MGA: variants seen among roughly 807,000 people sequenced by gnomAD.
MGA encodes MAX gene-associated protein.
Under a neutral mutation model 261.1 loss-of-function variants are expected in MGA, and 40 were observed. That is an observed-to-expected ratio of 0.15 (90% CI 0.12 to 0.20). The LOEUF (loss-of-function observed/expected upper bound fraction) is 0.20, where lower values mean the gene tolerates loss of function less well. MGA is among the 10% of genes least tolerant of loss of function. The pLI, the probability that MGA is intolerant of heterozygous loss-of-function variation, is 1.00. For missense variants in MGA, 3,397 were observed against 3,630.5 expected, an observed-to-expected ratio of 0.94 and a Z score of 1.65; for synonymous variants, 1,302 against 1,290.6, an observed-to-expected ratio of 1.01 and a Z score of -0.19.
chr15:41,669,863 G>T lies in MGA; in HGVS notation c.969G>T (p.Lys323Asn), dbSNP rs541879397. Residue 323 changes from lysine to asparagine, a missense_variant, in exon 2 of 24, where the codon AAG becomes AAT. Lys to Asn is a moderately conservative substitution (Grantham distance 94). This residue lies in a region of MGA where 563 missense variants were observed against 563.6 expected (regional missense o/e 1.00). Transcript: ENST00000219905. Reference sequence around the variant, plus strand: ...AAACATCAGGCAAGGGTTTGGAGAAGACTTCCCTTAATATAAAACGAGACT... The same window carrying T: ...AAACATCAGGCAAGGGTTTGGAGAATACTTCCCTTAATATAAAACGAGACT... 6.2e-7 allele frequency: 1 copy of T among 1,613,874 alleles called. No individual in the cohort carries two copies. The highest frequency in any genetic ancestry group is 8.5e-7 in the Non-Finnish European group (1 of 1,179,894).
At chr15:41,670,013 G>C (rs1256512738) in intron 2 of MGA, 55 bp downstream of exon 2, 1 of 1,410,974 alleles carries the variant, frequency 7.1e-7, no homozygotes, top group African/African-American at 1.4e-5. Flanking sequence ...GATGGGCCAG[G>C]TGTTGGATTT....
chr15:41,731,949 T>G (rs1446138593), intron 11 of MGA, among the ~76,000 whole-genome samples: 1 of 152,190 alleles, frequency 6.6e-6, no homozygotes, highest in African/African-American at 2.4e-5. Context: ...TGTGCCAGTG[T>G]GCTGTGCAAT....
At chr15:41,743,345 A>T (rs1009466104) in intron 15 of MGA, among the ~76,000 whole-genome samples, 173 bp downstream of exon 15, 1 of 152,270 alleles carries the variant, frequency 6.6e-6, no homozygotes, top group African/African-American at 2.4e-5. Context: ...CACTAAAATT[A>T]ATAGAGCTCA....
chr15:41,694,568 C>G (rs1331536564), intron 2 of MGA, among the ~76,000 whole-genome samples: 3 of 151,482 alleles, frequency 2.0e-5, no homozygotes, highest in African/African-American at 7.3e-5. Flanking sequence ...GCTCAGTTGC[C>G]CAGGCTGGAG....
intron 1 of MGA, among the ~76,000 whole-genome samples, chr15:41,622,309 C>T (rs538086907): frequency 2.6e-5 from 4 of 152,210 alleles, no homozygotes; most frequent in East Asian, 1.9e-4. Context: ...TAAGGTCCCT[C>T]ATACGGCCTC....
At chr15:41,679,302 T>G (rs2058546210) in intron 2 of MGA, among the ~76,000 whole-genome samples, 1 of 152,154 alleles carries the variant, frequency 6.6e-6, no homozygotes, top group South Asian at 2.1e-4. Flanking sequence ...CCCAAAGTGC[T>G]GGGATTACAG....
chr15:41,720,720 C>T lies in MGA; in HGVS notation c.3431-6460C>T, dbSNP rs754777282. Among the ~76,000 whole-genome samples the T allele has an allele frequency of 2.6e-4, 39 of 152,060 alleles. 1 individual carries two copies. The highest frequency in any genetic ancestry group is 1.2e-3 in the Admixed American group (19 of 15,264). On this transcript the variant is annotated intron_variant, in intron 9 of 23. Transcript: ENST00000219905. ...TGGTGGTGTGCGCCTGTAATCCCAG[C>T]TACTCTGGAGGCTGAGCCACGAGAA... is the stretch of plus-strand genomic sequence containing the variant.
chr15:41,688,328 C>G (rs925910904), intron 2 of MGA, among the ~76,000 whole-genome samples: 2 of 152,126 alleles, frequency 1.3e-5, no homozygotes, highest in South Asian at 2.1e-4. Flanking sequence ...CACCTGCCTA[C>G]CAGAGTGCTG....
intron 2 of MGA, among the ~76,000 whole-genome samples, chr15:41,679,732 GA>G (rs2058571519): frequency 6.6e-6 from 1 of 151,914 alleles, no homozygotes; most frequent in Admixed American, 6.6e-5. Flanking sequence ...TTGTGGGGGG[GA>G]CTGAGTGCGT....
intron 22 of MGA, 94 bp downstream of exon 22, chr15:41,762,456 G>C: frequency 4.7e-6 from 1 of 212,468 alleles, no homozygotes; most frequent in Non-Finnish European, 7.7e-6. Flanking sequence ...TTTTAGTTTT[G>C]TGTGGTTTTT....
At chr15:41,676,187 A>G (rs1164108041) in intron 2 of MGA, among the ~76,000 whole-genome samples, 1 of 146,704 alleles carries the variant, frequency 6.8e-6, no homozygotes, top group Admixed American at 6.8e-5. Flanking sequence ...CTCTGGTTTG[A>G]TTTTTTTTTT....
chr15:41,748,549 G>C, intron 15 of MGA, 88 bp from the exon 16 acceptor site: 1 of 1,412,592 alleles, frequency 7.1e-7, no homozygotes, highest in Non-Finnish European at 9.5e-7. Context: ...AAGCAAGACT[G>C]TGTCTTAAAA....
chr15:41,727,610 T>A (rs1478416102), intron 10 of MGA, among the ~76,000 whole-genome samples: 1 of 152,218 alleles, frequency 6.6e-6, no homozygotes, highest in Non-Finnish European at 1.5e-5. Flanking sequence ...GTAGTAATTT[T>A]AAAAAATAAC....
At chr15:41,700,131 G>T (rs2059764320) in intron 5 of MGA, among the ~76,000 whole-genome samples, 1 of 143,654 alleles carries the variant, frequency 7.0e-6, no homozygotes, top group East Asian at 2.2e-4. Context: ...TGCAAGCTCT[G>T]CCTCCTGGGT....
intron 19 of MGA, 188 bp from the exon 20 acceptor site, chr15:41,760,135 A>C: frequency 5.1e-6 from 3 of 588,050 alleles, no homozygotes; most frequent in Non-Finnish European, 9.2e-6. Context: ...TAGAAATTAC[A>C]CTGTTGGCAT....
chr15:41,713,448 G>C lies in MGA; in HGVS notation c.3382G>C (p.Glu1128Gln). 2 of 1,560,976 alleles carry C rather than the reference G, an allele frequency of 1.3e-6. No individual in the cohort carries two copies. The highest frequency in any genetic ancestry group is 1.7e-6 in the Non-Finnish European group (2 of 1,151,630). ...GGAGGAGGAAGAAGGAATCAGGGAG[G>C]AGGAGGAACAATTGAAAGAGAAAAA... The change falls in exon 9 of 24, where the codon GAG becomes CAG. Residue 1128 changes from glutamate to glutamine, a missense_variant. Coordinates refer to ENST00000219905, the MANE Select transcript of MGA (RefSeq NM_001164273.2).
chr15:41,743,108 T>C lies in MGA; in HGVS notation c.5148T>C (p.Ser1716=), dbSNP rs756509478. 10 of 1,613,818 alleles carry C rather than the reference T, an allele frequency of 6.2e-6. No homozygotes were observed. Among genetic ancestry groups the C allele is most frequent in the Non-Finnish European group, 8.5e-6 (10 of 1,179,794 alleles). Residue 1716 remains serine (S), a synonymous_variant, in exon 15 of 24, where the codon TCT becomes TCC. Coordinates refer to ENST00000219905, the MANE Select transcript of MGA (RefSeq NM_001164273.2). ...CCATGGTGACCACACCAACTTCATC[T>C]CTGGGCTCTGTTCCTATTATACTCT... is the stretch of plus-strand genomic sequence containing the variant.
At chr15:41,700,666 A>G (rs550147804) in intron 5 of MGA, among the ~76,000 whole-genome samples, 224 of 152,324 alleles carry the variant, frequency 1.5e-3, no homozygotes, top group Non-Finnish European at 2.7e-3. Flanking sequence ...AATCTTTAAA[A>G]AAACATATCT....
chr15:41,729,265 A>G lies in MGA; in HGVS notation c.3759A>G (p.Gln1253=), dbSNP rs757376331. ...AGCGAAAAAAAGAGGACCAGAGACA[A>G]CCATCTTCCTCCTCCTCCCCATCTC... Residue 1253 remains glutamine (Q), a synonymous_variant, in exon 11 of 24, where the codon CAA becomes CAG. Coordinates refer to ENST00000219905, the MANE Select transcript of MGA (RefSeq NM_001164273.2). 20 of 1,613,796 alleles carry G rather than the reference A, an allele frequency of 1.2e-5. No homozygotes were observed. In the African/African-American group the frequency reaches 1.7e-4, roughly 14 times the overall value.
Sources: allele counts gnomAD v4.1 joint callset (sites outside exome capture counted in the v4.1 genomes callset), GRCh38; gene constraint gnomAD v4.1.1; regional missense constraint gnomAD v4.1.1; transcripts MANE v1.5; gene names NCBI Gene and HGNC (gene_info 2026-07-23, HGNC 2026-07-21).